Variants in C10orf90 observed in about 807,000 individuals in gnomAD.
C10orf90 encodes (E2-independent) E3 ubiquitin-conjugating enzyme FATS.
C10orf90 carries 56 observed loss-of-function variants against 62.5 expected under a neutral mutation model. That is an observed-to-expected ratio of 0.90 (90% CI 0.72 to 1.12). The LOEUF (loss-of-function observed/expected upper bound fraction) is 1.12. Among genes scored for constraint, C10orf90 ranks in the 50% most tolerant of loss-of-function variants. C10orf90 has a pLI of 0.00. For synonymous variants in C10orf90, 386 were observed against 340.4 expected, an observed-to-expected ratio of 1.13 and a Z score of -1.47; for missense variants, 970 against 880.4, an observed-to-expected ratio of 1.10 and a Z score of -1.29.
chr10:126,556,451 A>G (rs1864775104), intron 2 of C10orf90, among the ~76,000 whole-genome samples: 1 of 152,210 alleles, frequency 6.6e-6, no homozygotes. Flanking sequence ...TGATCCTTGA[A>G]ATTATATTAC....
intron 2 of C10orf90, among the ~76,000 whole-genome samples, chr10:126,634,596 A>G (rs1162834685): frequency 2.0e-5 from 3 of 152,196 alleles, no homozygotes; most frequent in Admixed American, 6.5e-5. Context: ...ACACTTAAAA[A>G]AAATCTACTA....
chr10:126,438,341 T>C (rs1202506559), intron 7 of C10orf90, among the ~76,000 whole-genome samples: 2 of 152,208 alleles, frequency 1.3e-5, no homozygotes, highest in African/African-American at 4.8e-5. Flanking sequence ...TGGGGTTTCA[T>C]TGGCAAAGCA....
intron 2 of C10orf90, among the ~76,000 whole-genome samples, chr10:126,545,959 A>G (rs1864480022): frequency 6.6e-6 from 1 of 152,186 alleles, no homozygotes; most frequent in South Asian, 2.1e-4. Flanking sequence ...AGACTCTTAA[A>G]GGTGGAGAGG....
intron 2 of C10orf90, among the ~76,000 whole-genome samples, chr10:126,630,479 G>A (rs922403822): frequency 2.6e-5 from 4 of 152,128 alleles, no homozygotes; most frequent in African/African-American, 4.8e-5. Flanking sequence ...TCGGGAACGG[G>A]GAGAAGAGCG....
At chr10:126,510,231 G>A (rs931225288) in intron 3 of C10orf90, among the ~76,000 whole-genome samples, 2 of 152,094 alleles carry the variant, frequency 1.3e-5, no homozygotes, top group African/African-American at 4.8e-5. Context: ...GGGTAGTGGG[G>A]GATGCAATTC....
intron 4 of C10orf90, among the ~76,000 whole-genome samples, chr10:126,488,399 A>G (rs1861549971): frequency 6.6e-6 from 1 of 152,156 alleles, no homozygotes; most frequent in Non-Finnish European, 1.5e-5. Flanking sequence ...AAATTAGTGT[A>G]TGAAAATGTT....
At chr10:126,526,053 C>T (rs949183035) in intron 2 of C10orf90, among the ~76,000 whole-genome samples, 20 of 151,490 alleles carry the variant, frequency 1.3e-4, no homozygotes, top group African/African-American at 4.1e-4. Flanking sequence ...CACACACACA[C>T]ACACACACAA....
At chr10:126,429,714 AG>A (rs1181621945) in intron 8 of C10orf90, 72 bp downstream of exon 8, 2 of 1,224,110 alleles carry the variant, frequency 1.6e-6, no homozygotes, top group Admixed American at 3.5e-5. Context: ...GTCCCATTGG[AG>A]GGCACCTGAA....
At chr10:126,512,801 C>T (rs1023037258) in intron 3 of C10orf90, among the ~76,000 whole-genome samples, 2 of 152,142 alleles carry the variant, frequency 1.3e-5, no homozygotes, top group Non-Finnish European at 2.9e-5. Flanking sequence ...GAGCTTGGTG[C>T]TTTCACATAG....
At chr10:126,513,817 G>A (rs750149952) in intron 3 of C10orf90, 31 bp downstream of exon 3, 1 of 1,405,664 alleles carries the variant, frequency 7.1e-7, no homozygotes, top group Non-Finnish European at 1.0e-6. Context: ...GCATTTTGCT[G>A]ACTATTCTAG....
At chr10:126,601,482 G>A (rs1007109516) in intron 2 of C10orf90, among the ~76,000 whole-genome samples, 1 of 151,980 alleles carries the variant, frequency 6.6e-6, no homozygotes, top group Non-Finnish European at 1.5e-5. Context: ...TTTTTAAAAA[G>A]GTGACACAGG....
At chr10:126,477,439 G>A (rs930801757) in intron 4 of C10orf90, among the ~76,000 whole-genome samples, 1 of 151,968 alleles carries the variant, frequency 6.6e-6, no homozygotes, top group Non-Finnish European at 1.5e-5. Flanking sequence ...CTGGGTCTAC[G>A]TGGTACCTGC....
intron 3 of C10orf90, among the ~76,000 whole-genome samples, chr10:126,511,768 T>C (rs1863120920): frequency 6.6e-6 from 1 of 152,122 alleles, no homozygotes; most frequent in African/African-American, 2.4e-5. Context: ...CTGGGGAAAA[T>C]AGAGGAAAAT....
intron 2 of C10orf90, among the ~76,000 whole-genome samples, chr10:126,527,476 G>C (rs1863981752): frequency 6.6e-6 from 1 of 152,190 alleles, no homozygotes; most frequent in African/African-American, 2.4e-5. Context: ...GCCAATGAGT[G>C]AAAGAAGCAG....
In C10orf90 at chr10:126,482,163, TA is replaced by T. The variant is rs745661318; in HGVS notation, c.1535-17178del. On this transcript the variant is annotated intron_variant, in intron 4 of 9. Transcript: ENST00000488181. ...TCATCTTCAAGACTCCCGTGTCATGTAAAACTAGGATTAAATAAATGTGCTA... is the reference window on the plus strand; with the variant it reads ...TCATCTTCAAGACTCCCGTGTCATGTAAACTAGGATTAAATAAATGTGCTA... Among the ~76,000 whole-genome samples the T allele has an allele frequency of 2.6e-5, 4 of 152,214 alleles. No homozygotes were observed. In the East Asian group the frequency reaches 7.7e-4, roughly 29 times the overall value.
intron 2 of C10orf90, among the ~76,000 whole-genome samples, chr10:126,516,682 C>T (rs1020020684): frequency 6.6e-5 from 10 of 152,222 alleles, no homozygotes; most frequent in African/African-American, 2.4e-4. Context: ...TGAGCATGAG[C>T]TGCCTGTGGC....
At chr10:126,645,083 G>A (rs540418476) in intron 2 of C10orf90, among the ~76,000 whole-genome samples, 2 of 148,324 alleles carry the variant, frequency 1.3e-5, no homozygotes, top group East Asian at 4.0e-4. Flanking sequence ...GACACAGGAA[G>A]GGGAACATCA....
chr10:126,467,642 A>C (rs1226942156), intron 4 of C10orf90, among the ~76,000 whole-genome samples: 1 of 152,110 alleles, frequency 6.6e-6, no homozygotes, highest in East Asian at 1.9e-4. Flanking sequence ...GGCCATCATG[A>C]ATGTCCTTTA....
chr10:126,609,518 C>T (rs1365261870), intron 2 of C10orf90, among the ~76,000 whole-genome samples: 1 of 152,236 alleles, frequency 6.6e-6, no homozygotes, highest in African/African-American at 2.4e-5. Context: ...ATCTAATTGC[C>T]AGTGCTTATC....
Sources: gnomAD v4.1 joint callset for allele counts (sites outside exome capture counted in the v4.1 genomes callset) on GRCh38, gnomAD v4.1.1 for gene constraint, MANE v1.5 for transcripts, NCBI Gene and HGNC (gene_info 2026-07-23, HGNC 2026-07-21) for gene names.